Variants in RP1 observed in about 807,000 individuals in gnomAD.
RP1 encodes the protein oxygen-regulated protein 1.
RP1 carries 16 observed loss-of-function variants against 14.8 expected under a neutral mutation model. The ratio of observed to expected loss-of-function variants is 1.08; its 90% CI spans 0.73 to 1.65. The LOEUF (loss-of-function observed/expected upper bound fraction) is 1.65. Among genes scored for constraint, RP1 ranks in the 40% most tolerant of loss-of-function variants. The pLI is 0.00. For missense variants in RP1, 2,631 were observed against 2,535.0 expected, an observed-to-expected ratio of 1.04 and a Z score of -0.81; for synonymous variants, 876 against 883.6, an observed-to-expected ratio of 0.99 and a Z score of 0.15.
intron 18 of RP1, among the ~76,000 whole-genome samples, chr8:54,735,451 A>T (rs1399821275): frequency 2.6e-5 from 4 of 152,106 alleles, no homozygotes; most frequent in African/African-American, 9.7e-5. Context: ...GTGTACTGTT[A>T]AACAGCAGTC....
chr8:54,851,653 C>A (rs1585746974), intron 25 of RP1, among the ~76,000 whole-genome samples: 1 of 152,278 alleles, frequency 6.6e-6, no homozygotes, highest in East Asian at 1.9e-4. Context: ...CTGGGTTTCA[C>A]TCTGGGGTAT....
At chr8:54,741,725 A>ATATATATGTG (rs1809101124) in intron 19 of RP1, among the ~76,000 whole-genome samples, 1 of 130,810 alleles carries the variant, frequency 7.6e-6, no homozygotes, top group Non-Finnish European at 1.6e-5. Flanking sequence ...ATATATATAT[A>ATATATATGTG]TATATATATA....
At chr8:54,826,824 T>C (rs1811394899) in intron 24 of RP1, among the ~76,000 whole-genome samples, 2 of 152,240 alleles carry the variant, frequency 1.3e-5, no homozygotes, top group Admixed American at 6.5e-5. Flanking sequence ...TTGACAAATA[T>C]GTCACAGGTA....
At chr8:54,714,579 A>G (rs971371446) in intron 15 of RP1, among the ~76,000 whole-genome samples, 127 of 152,174 alleles carry the variant, frequency 8.3e-4, no homozygotes, top group African/African-American at 3.0e-3. Context: ...CCCTGACCCA[A>G]CCAATCAGCA....
chr8:54,800,691 T>C (rs1408706610), intron 24 of RP1, among the ~76,000 whole-genome samples: 2 of 152,326 alleles, frequency 1.3e-5, no homozygotes, highest in Non-Finnish European at 1.5e-5. Flanking sequence ...TTCTAGAATT[T>C]TCTTTGGTTC....
intron 3 of RP1, among the ~76,000 whole-genome samples, chr8:54,645,107 T>C (rs1017333909): frequency 2.0e-5 from 3 of 152,318 alleles, no homozygotes; most frequent in South Asian, 2.1e-4. Context: ...CATATCTTTT[T>C]TGAAGACAGA....
intron 1 of RP1, among the ~76,000 whole-genome samples, chr8:54,587,248 A>G (rs1804952577): frequency 6.6e-6 from 1 of 152,200 alleles, no homozygotes; most frequent in South Asian, 2.1e-4. Flanking sequence ...CAACATGGCG[A>G]AACCCTGTCA....
intron 24 of RP1, among the ~76,000 whole-genome samples, chr8:54,808,119 G>A (rs189906586): frequency 1.6e-4 from 25 of 152,224 alleles, no homozygotes; most frequent in South Asian, 6.2e-4. Flanking sequence ...TTCAACAACC[G>A]AATGAACAGG....
intron 13 of RP1, chr8:54,701,422 G>A (rs2129343434): frequency 7.1e-7 from 1 of 1,401,432 alleles, no homozygotes; most frequent in South Asian, 1.4e-5. Context: ...TGTATATAAT[G>A]TGATTACATT....
rs571356141 is a variant in RP1, at chr8:54,625,552, T to C, written c.1670T>C (p.Met557Thr). 12 of 1,614,104 alleles carry C rather than the reference T, an allele frequency of 7.4e-6. No homozygotes were observed. The East Asian group carries it at 2.7e-4, about 36-fold the overall frequency. ...AGVIEITSQK[M>T]LEMSHNNGLP... ...GTTATAGAAATTACAAGTCAGAAGA[T>C]GTTAGAGATGTCACATAATAATGGT... Residue 557 changes from methionine (M) to threonine (T), a missense_variant, in exon 4 of 4, where the codon ATG (methionine) becomes ACG (threonine). Met to Thr is a moderately conservative substitution (Grantham distance 81). Coordinates refer to ENST00000220676, the MANE Select transcript of RP1 (RefSeq NM_006269.2).
At chr8:54,784,746 C>A (rs1045606548) in intron 24 of RP1, among the ~76,000 whole-genome samples, 2 of 151,914 alleles carry the variant, frequency 1.3e-5, no homozygotes, top group Admixed American at 6.6e-5. Flanking sequence ...CTATTTCTGC[C>A]ATACAACATA....
chr8:54,856,438 G>A (rs77808483), intron 26 of RP1, among the ~76,000 whole-genome samples: 5,327 of 152,210 alleles, frequency 0.035, 106 homozygotes, highest in African/African-American at 0.047. Context: ...GCGTGTGTAT[G>A]TATATGTATG....
chr8:54,610,454 AT>A (rs1255125373), intron 1 of RP1, among the ~76,000 whole-genome samples: 4 of 152,212 alleles, frequency 2.6e-5, no homozygotes, highest in African/African-American at 9.6e-5. Context: ...ATATCAGTGC[AT>A]CACGTTTATA....
intron 1 of RP1, among the ~76,000 whole-genome samples, chr8:54,617,702 C>T (rs966260058): frequency 7.9e-5 from 12 of 152,168 alleles, no homozygotes; most frequent in African/African-American, 2.9e-4. Context: ...TATTAGACAT[C>T]CCTCCTTAAT....
chr8:54,864,718 A>G lies in RP1; in HGVS notation c.4070-1117A>G, dbSNP rs556027944. On this transcript the variant is annotated intron_variant, in intron 27 of 28. Coordinates refer to the RP1 transcript ENST00000637698. ...TCATTTTCTGTCCCATAGTCAATTT[A>G]TCTATGCCAGCCCCAATTCCACATT... 3.3e-5 allele frequency among the ~76,000 whole-genome samples: 5 copies of G among 152,310 alleles called. No homozygotes were observed. In the South Asian group the frequency reaches 1.0e-3, roughly 32 times the overall value.
intron 18 of RP1, among the ~76,000 whole-genome samples, chr8:54,736,293 A>G (rs958083177): frequency 4.6e-5 from 7 of 152,190 alleles, no homozygotes; most frequent in Non-Finnish European, 7.3e-5. Flanking sequence ...GAAAATGTGT[A>G]TAAATTAAAA....
chr8:54,698,216 A>C (rs1169992762), intron 12 of RP1, among the ~76,000 whole-genome samples: 1 of 152,254 alleles, frequency 6.6e-6, no homozygotes, highest in Non-Finnish European at 1.5e-5. Context: ...CCCCATCAAA[A>C]AATGGGCAAA....
intron 24 of RP1, among the ~76,000 whole-genome samples, chr8:54,827,898 CA>C (rs34407193): frequency 3.4e-5 from 5 of 148,602 alleles, no homozygotes; most frequent in Non-Finnish European, 3.0e-5. Flanking sequence ...AACTACGTCT[CA>C]AAAAAAAAAG....
intron 1 of RP1, among the ~76,000 whole-genome samples, chr8:54,583,628 C>T (rs910158938): frequency 5.3e-5 from 8 of 152,124 alleles, no homozygotes; most frequent in African/African-American, 1.9e-4. Context: ...TCCATCTGGT[C>T]CTGTACTTTT....
Sources: allele counts gnomAD v4.1 joint callset (sites outside exome capture counted in the v4.1 genomes callset), GRCh38; gene constraint gnomAD v4.1.1; transcripts MANE v1.5; gene names NCBI Gene and HGNC (gene_info 2026-07-23, HGNC 2026-07-21).